Variants in SLC5A11 observed in about 807,000 individuals in gnomAD.
The protein encoded by SLC5A11 is solute carrier family 5 member 11, also known as sodium/myo-inositol cotransporter 2.
A neutral mutation model predicts 69.8 loss-of-function variants in SLC5A11; 48 were observed. The observed-to-expected ratio is 0.69, with a 90% CI of 0.55 to 0.87. SLC5A11 has a LOEUF of 0.87. Ranked by LOEUF, SLC5A11 falls within the 40% of genes least tolerant of loss-of-function variation. SLC5A11 has a pLI of 0.00. For synonymous variants in SLC5A11, 319 were observed against 342.4 expected (o/e 0.93, Z 0.75); for missense variants, 784 against 866.1 (o/e 0.91, Z 1.19).
chr16:24,910,259 C>T (rs372001167), intron 14 of SLC5A11, 47 bp from the exon 16 acceptor site: 8 of 1,595,704 alleles, frequency 5.0e-6, no homozygotes, highest in Non-Finnish European at 6.9e-6. Flanking sequence ...TGGACAACCC[C>T]GGCCCCACCT....
At chr16:24,906,820 C>A in intron 11 of SLC5A11, 56 bp downstream of exon 12, 1 of 1,499,356 alleles carries the variant, frequency 6.7e-7, no homozygotes, top group Non-Finnish European at 9.2e-7. Context: ...AAGGAGATCA[C>A]CGGATGGGCT....
chr16:24,869,106 G>T (rs1206849921), intron 3 of SLC5A11, among the ~76,000 whole-genome samples: 2 of 152,096 alleles, frequency 1.3e-5, no homozygotes, highest in Admixed American at 1.3e-4. Context: ...GACCTCAAGT[G>T]ATCCGCCTGC....
intron 8 of SLC5A11, among the ~76,000 whole-genome samples, chr16:24,888,800 T>TA (rs2152359130): frequency 8.4e-6 from 1 of 119,716 alleles, no homozygotes; most frequent in East Asian, 2.3e-4. Flanking sequence ...TTTTTTTTTT[T>TA]TTTTTTTTTT....
At chr16:24,855,995 A>G (rs998403862) in intron 1 of SLC5A11, among the ~76,000 whole-genome samples, 6 of 152,142 alleles carry the variant, frequency 3.9e-5, no homozygotes, top group African/African-American at 1.4e-4. Context: ...GCTTCTCATC[A>G]AGGCTGCCCC....
At chr16:24,853,665 G>T (rs774974380) in intron 1 of SLC5A11, among the ~76,000 whole-genome samples, 2 of 152,232 alleles carry the variant, frequency 1.3e-5, no homozygotes, top group African/African-American at 2.4e-5. Flanking sequence ...CCCACCCGCG[G>T]CACTGACTGC....
chr16:24,868,122 G>C (rs2047026901), intron 3 of SLC5A11, among the ~76,000 whole-genome samples: 1 of 144,744 alleles, frequency 6.9e-6, no homozygotes, highest in African/African-American at 2.6e-5. Context: ...GGGTGACAAA[G>C]CAAGACTCCA....
At chr16:24,879,963 G>A (rs140627000) in intron 7 of SLC5A11, among the ~76,000 whole-genome samples, 57 of 152,208 alleles carry the variant, frequency 3.7e-4, no homozygotes, top group African/African-American at 1.2e-3. Flanking sequence ...GCTATTGTGC[G>A]TAGTATTGTG....
Position 24,873,184 on chromosome 16 carries a change from AAAAGGG to A in SLC5A11, c.372+977_372+982del, listed in dbSNP as rs1179728381. Among the ~76,000 whole-genome samples the A allele has an allele frequency of 6.2e-5, 7 of 112,832 alleles. No homozygotes were observed. In the East Asian group the frequency reaches 7.2e-4, roughly 12 times the overall value. 74.0% of individuals were successfully genotyped at this position (112,832 alleles called of 152,430 possible). A position where few individuals can be genotyped will look rare whatever the true frequency, so the allele number is the denominator to read the frequency against. On this transcript the variant is annotated intron_variant, in intron 5 of 15. Transcript: ENST00000347898. ...GAAAGGAAAGGAAAGGGGAAAGGGG[AAAAGGG>A]AAAGGGAAAGGAGAAGAAGGAAGGA...
intron 11 of SLC5A11, 113 bp downstream of exon 12, chr16:24,906,877 ACT>A: frequency 7.2e-7 from 1 of 1,387,168 alleles, no homozygotes; most frequent in Non-Finnish European, 9.9e-7. Flanking sequence ...GGGGAGGAAG[ACT>A]CTGGGCTCCC....
intron 9 of SLC5A11, among the ~76,000 whole-genome samples, chr16:24,896,851 C>T (rs1310901289): frequency 6.6e-6 from 1 of 151,616 alleles, no homozygotes; most frequent in African/African-American, 2.4e-5. Context: ...GAGGCCTTCC[C>T]ATATCATGGC....
At chr16:24,893,145 A>G (rs911850852) in intron 9 of SLC5A11, among the ~76,000 whole-genome samples, 1 of 145,000 alleles carries the variant, frequency 6.9e-6, no homozygotes, top group Non-Finnish European at 1.5e-5. Context: ...AAAAAAAGCC[A>G]GGTGTGGTGG....
At position 24,908,930 on chromosome 16, in the gene SLC5A11, TG is replaced by T; in HGVS notation, c.1486del (p.Val496SerfsTer21). The stretch of plus-strand genomic sequence containing the variant: ...GGCCTGCTCCTGGGCTTGGTTAGGC[TG>T]GTCCTGGACTTTATTTACGTGCAGC... On this transcript the variant is annotated frameshift_variant, in exon 14 of 16. Coordinates refer to ENST00000347898, the Ensembl canonical transcript of SLC5A11. LOFTEE classifies it high-confidence loss of function. The T allele has an allele frequency of 6.2e-7, 1 of 1,614,104 alleles. No individual in the cohort carries two copies. Among genetic ancestry groups the T allele is most frequent in the Non-Finnish European group, 8.5e-7 (1 of 1,180,028 alleles).
At chr16:24,860,223 C>A (rs938725237) in intron 2 of SLC5A11, among the ~76,000 whole-genome samples, 1 of 151,972 alleles carries the variant, frequency 6.6e-6, no homozygotes, top group Non-Finnish European at 1.5e-5. Flanking sequence ...GGAGGCAGAG[C>A]TTGCAGTGAG....
intron 8 of SLC5A11, 119 bp from the exon 10 acceptor site, chr16:24,890,750 G>T: frequency 2.2e-6 from 2 of 893,460 alleles, no homozygotes; most frequent in South Asian, 1.4e-5. Context: ...ACCCTTAAGG[G>T]GATTAACATT....
chr16:24,863,548 G>A (rs773781255), intron 3 of SLC5A11, among the ~76,000 whole-genome samples: 2 of 152,058 alleles, frequency 1.3e-5, no homozygotes, highest in Non-Finnish European at 2.9e-5. Flanking sequence ...CACAGTTTCT[G>A]TATGGGCCAT....
intron 3 of SLC5A11, among the ~76,000 whole-genome samples, chr16:24,864,513 T>C (rs763818353): frequency 6.6e-6 from 1 of 151,176 alleles, no homozygotes; most frequent in African/African-American, 2.4e-5. Context: ...CCCTGAAGAG[T>C]CAGGAATTAT....
intron 1 of SLC5A11, among the ~76,000 whole-genome samples, chr16:24,853,504 C>G (rs2059402050): frequency 6.6e-6 from 1 of 152,164 alleles, no homozygotes; most frequent in East Asian, 1.9e-4. Context: ...TCCTCAGGGC[C>G]TGGCATGGAG....
intron 9 of SLC5A11, among the ~76,000 whole-genome samples, chr16:24,891,531 C>A (rs949150631): frequency 6.6e-6 from 1 of 151,936 alleles, no homozygotes; most frequent in African/African-American, 2.4e-5. Flanking sequence ...ACTACACTGA[C>A]CAGGCTGCTC....
intron 5 of SLC5A11, among the ~76,000 whole-genome samples, chr16:24,872,488 A>G (rs1193764578): frequency 6.6e-6 from 1 of 152,178 alleles, no homozygotes; most frequent in Admixed American, 6.6e-5. Context: ...AATTTTAAAT[A>G]CCAAAACACA....
Sources: gnomAD v4.1 joint callset for allele counts (sites outside exome capture counted in the v4.1 genomes callset) on GRCh38, gnomAD v4.1.1 for gene constraint, MANE v1.5 for transcripts, NCBI Gene and HGNC (gene_info 2026-07-23, HGNC 2026-07-21) for gene names.